Variants in LRBA observed in about 807,000 individuals in gnomAD.
LRBA encodes the protein LPS responsive beige-like anchor protein, also known as lipopolysaccharide-responsive and beige-like anchor protein.
Under a neutral mutation model 330.0 loss-of-function variants are expected in LRBA, and 176 were observed. The ratio of observed to expected loss-of-function variants is 0.53; its 90% CI spans 0.47 to 0.60. The LOEUF (loss-of-function observed/expected upper bound fraction) is 0.60. LRBA is among the 20% of genes least tolerant of loss of function. The pLI is 0.00. For synonymous variants in LRBA, 1,230 were observed against 1,193.0 expected (o/e 1.03, Z -0.64); for missense variants, 3,259 against 3,444.8 (o/e 0.95, Z 1.35).
intron 47 of LRBA, among the ~76,000 whole-genome samples, chr4:150,392,045 T>C (rs957235225): frequency 6.7e-6 from 1 of 149,352 alleles, no homozygotes; most frequent in Non-Finnish European, 1.5e-5. Context: ...CTATTGCCAA[T>C]AGGTTAAATT....
At chr4:150,606,700 G>T (rs1386345365) in intron 37 of LRBA, among the ~76,000 whole-genome samples, 6 of 152,096 alleles carry the variant, frequency 3.9e-5, no homozygotes, top group African/African-American at 9.7e-5. Context: ...TAAATAATAA[G>T]TCTGATGACG....
At chr4:150,620,119 T>G (rs1414228488) in intron 37 of LRBA, among the ~76,000 whole-genome samples, 1 of 152,024 alleles carries the variant, frequency 6.6e-6, no homozygotes, top group East Asian at 1.9e-4. Context: ...AAAAATTACA[T>G]CAGAGTTAAA....
chr4:150,404,655 G>C (rs1745941184), intron 47 of LRBA, among the ~76,000 whole-genome samples: 1 of 152,144 alleles, frequency 6.6e-6, no homozygotes, highest in Non-Finnish European at 1.5e-5. Flanking sequence ...CTATAGGGAA[G>C]AGTAACTACT....
Position 150,908,337 on chromosome 4 carries a change from A to C in LRBA, c.1490T>G (p.Ile497Arg). The C allele has an allele frequency of 1.2e-6, 2 of 1,608,568 alleles. No individual in the cohort carries two copies. The highest frequency in any genetic ancestry group is 1.7e-6 in the Non-Finnish European group (2 of 1,178,876). ...AGAAACAAATAAAGGCACTCACCAT[A>C]TAGTCAAATCAATCTCATCAGACAA... ...QYLSDEIDLT[I>R]CSTLLAFIME... The change falls in exon 11 of 57, where the codon ATA (isoleucine) becomes AGA (arginine). Residue 497 changes from isoleucine to arginine, a missense_variant. Transcript: ENST00000651943.
Position 150,374,527 on chromosome 4 carries a change from C to T in LRBA, c.7195-24368G>A, listed in dbSNP as rs79513477. On this transcript the variant is annotated intron_variant, in intron 47 of 56. Transcript: ENST00000651943. ...TCTGTACTATTACATGAGAGAAAAA[C>T]GAGAAGATATAAATGATACTGCAGG... 6.6e-3 allele frequency among the ~76,000 whole-genome samples: 1,007 copies of T among 152,172 alleles called. 10 individuals carry two copies. The highest frequency in any genetic ancestry group is 0.023 in the African/African-American group (956 of 41,504).
At chr4:150,853,078 G>A in intron 22 of LRBA, 135 bp from the exon 23 acceptor site, 4 of 439,200 alleles carry the variant, frequency 9.1e-6, no homozygotes, top group Non-Finnish European at 1.6e-5. Context: ...TTTTATTTTA[G>A]TAGAATGATA....
intron 40 of LRBA, among the ~76,000 whole-genome samples, chr4:150,557,598 C>T (rs536960901): frequency 6.7e-5 from 10 of 150,104 alleles, no homozygotes; most frequent in African/African-American, 1.7e-4. Flanking sequence ...TAAGACTTTT[C>T]GTGGTTTTGA....
chr4:150,614,248 A>G (rs930873048), intron 37 of LRBA, among the ~76,000 whole-genome samples: 1 of 152,226 alleles, frequency 6.6e-6, no homozygotes, highest in Admixed American at 6.5e-5. Flanking sequence ...GGCCATGGCC[A>G]TGTCATGTTA....
chr4:150,953,494 C>T (rs1042069330), intron 2 of LRBA, among the ~76,000 whole-genome samples: 4 of 151,710 alleles, frequency 2.6e-5, no homozygotes, highest in African/African-American at 9.7e-5. Flanking sequence ...CCTGGGAGTG[C>T]CTGGGATTGC....
At chr4:150,933,889 G>A (rs1352365497) in intron 2 of LRBA, among the ~76,000 whole-genome samples, 1 of 151,990 alleles carries the variant, frequency 6.6e-6, no homozygotes, top group Non-Finnish European at 1.5e-5. Context: ...GCTGGGTGTG[G>A]TGGCATGTGG....
chr4:150,515,903 G>A (rs1762281936), intron 40 of LRBA, among the ~76,000 whole-genome samples: 1 of 151,622 alleles, frequency 6.6e-6, no homozygotes, highest in Non-Finnish European at 1.5e-5. Context: ...ATTATTAGAG[G>A]AACACAAAGT....
chr4:150,910,628 T>G (rs151257055), intron 9 of LRBA, among the ~76,000 whole-genome samples: 2 of 152,324 alleles, frequency 1.3e-5, no homozygotes, highest in African/African-American at 4.8e-5. Context: ...TTCCCCTTTT[T>G]AAATACTGTT....
intron 50 of LRBA, among the ~76,000 whole-genome samples, chr4:150,316,592 C>T (rs1381179767): frequency 6.6e-6 from 1 of 152,138 alleles, no homozygotes; most frequent in African/African-American, 2.4e-5. Context: ...TCACCCTGCT[C>T]AGTATCTACT....
At chr4:150,482,855 A>ATT (rs575016989) in intron 42 of LRBA, among the ~76,000 whole-genome samples, 7 of 147,468 alleles carry the variant, frequency 4.7e-5, no homozygotes, top group Admixed American at 1.4e-4. Flanking sequence ...CAAAACTTAC[A>ATT]TTTTTTTTTT....
In LRBA at chr4:150,505,202, C is replaced by T. The variant is rs372143894; in HGVS notation, c.6331-14167G>A. Among the ~76,000 whole-genome samples the T allele has an allele frequency of 2.6e-4, 40 of 152,064 alleles. No homozygotes were observed. In the East Asian group the frequency reaches 6.0e-3, roughly 23 times the overall value. Reference sequence around the variant, plus strand: ...GAAAGTTAACAAGGATACCCAGGAACTGAACTCAGCTCTGCACCAAGCAGA... The same window carrying T: ...GAAAGTTAACAAGGATACCCAGGAATTGAACTCAGCTCTGCACCAAGCAGA... On this transcript the variant is annotated intron_variant, in intron 40 of 56. Coordinates refer to ENST00000651943, the MANE Select transcript of LRBA (RefSeq NM_001364905.1).
chr4:150,846,224 C>T (rs925556924), intron 26 of LRBA, among the ~76,000 whole-genome samples: 5 of 151,832 alleles, frequency 3.3e-5, no homozygotes, highest in Non-Finnish European at 5.9e-5. Flanking sequence ...AAGTAGAGTG[C>T]GTAATGATTG....
chr4:150,818,174 A>T lies in LRBA; in HGVS notation c.5172-917T>A, dbSNP rs143034319. Among the ~76,000 whole-genome samples, 12 of 152,252 alleles carry T rather than the reference A, an allele frequency of 7.9e-5. No homozygotes were observed. The East Asian group carries it at 2.3e-3, about 29-fold the overall frequency. ...TAACTTAGGTATTTGATCCCTATAC[A>T]TGCATTCAAAAGTGAAAATTATGTA... On this transcript the variant is annotated intron_variant, in intron 30 of 56. Transcript: ENST00000651943.
At chr4:150,372,206 T>A (rs796364111) in intron 47 of LRBA, among the ~76,000 whole-genome samples, 3 of 152,362 alleles carry the variant, frequency 2.0e-5, no homozygotes, top group African/African-American at 7.2e-5. Flanking sequence ...TACTATTTAT[T>A]TGAGTACTGT....
intron 2 of LRBA, among the ~76,000 whole-genome samples, chr4:150,930,899 A>G (rs1368931680): frequency 6.6e-6 from 1 of 152,220 alleles, no homozygotes; most frequent in Non-Finnish European, 1.5e-5. Flanking sequence ...TCTCCTAGTT[A>G]CATGGCCGTA....
Sources: allele counts gnomAD v4.1 joint callset (sites outside exome capture counted in the v4.1 genomes callset), GRCh38; gene constraint gnomAD v4.1.1; transcripts MANE v1.5; gene names NCBI Gene and HGNC (gene_info 2026-07-23, HGNC 2026-07-21).